Variants in CCDC59 observed in about 807,000 individuals in gnomAD.
CCDC59 encodes the protein coiled-coil domain containing 59.
In CCDC59, 27 loss-of-function variants were observed where a neutral mutation model predicts 30.5. That is an observed-to-expected ratio of 0.89 (90% CI 0.65 to 1.22). The LOEUF (loss-of-function observed/expected upper bound fraction) is 1.22. Ranked by LOEUF, CCDC59 falls within the 50% of genes most tolerant of loss-of-function variation. CCDC59 has a pLI of 0.00. For missense variants in CCDC59, 362 were observed against 284.4 expected (o/e 1.27, Z -1.96); for synonymous variants, 125 against 100.9 (o/e 1.24, Z -1.43).
chr12:82,353,213 CCTTT>C lies in CCDC59; in HGVS notation c.660_663del (p.Lys221AlafsTer5), dbSNP rs751188920. 4 of 1,611,552 alleles carry C rather than the reference CCTTT, an allele frequency of 2.5e-6. No homozygotes were observed. The highest frequency in any genetic ancestry group is 3.4e-6 in the Non-Finnish European group (4 of 1,179,196). On this transcript the variant is annotated frameshift_variant, in exon 4 of 4. Coordinates refer to ENST00000256151, the MANE Select transcript of CCDC59 (RefSeq NM_014167.5). LOFTEE classifies it high-confidence loss of function. ...ATTTGTACATTCAAGTTTGGTTGGC[CCTTT>C]TTAGTCTTTTTGTTCAGTATTTTAA...
chr12:82,357,581 T>C (rs1200876005), intron 1 of CCDC59, among the ~76,000 whole-genome samples: 1 of 152,162 alleles, frequency 6.6e-6, no homozygotes, highest in Non-Finnish European at 1.5e-5. Flanking sequence ...ACAAATTCCT[T>C]AGTTCATCTA....
In CCDC59 at chr12:82,353,041, A is replaced by G; in HGVS notation, c.*110T>C. On this transcript the variant is annotated 3_prime_UTR_variant, in exon 4 of 4. Transcript: ENST00000256151. ...AATATGTGAACATCTTATATTTAGC[A>G]TAGTTTAGCAATCCAGTTTATGTCG... 1.3e-6 allele frequency: 1 copy of G among 773,272 alleles called. No homozygotes were observed. Among genetic ancestry groups the G allele is most frequent in the African/African-American group, 1.7e-5 (1 of 57,254 alleles). The allele number at this position is 773,272 out of a possible 1,614,324, so 47.9% of individuals were successfully genotyped here.
At position 82,354,618 on chromosome 12, in the gene CCDC59, C is replaced by T. The variant is rs115308705; in HGVS notation, c.465-24G>A. 2.2e-3 allele frequency: 3,329 copies of T among 1,546,624 alleles called. 57 individuals are homozygous for T. The African/African-American group carries it at 0.041, about 19-fold the overall frequency. On this transcript the variant is annotated intron_variant, in intron 2 of 3. Coordinates refer to ENST00000256151, the MANE Select transcript of CCDC59 (RefSeq NM_014167.5). The stretch of plus-strand genomic sequence containing the variant: ...AGCTTTTAATTGGGGGATGAGGAAA[C>T]AGGACTTTATTAGTAAAATGTCCAA...
At position 82,353,258 on chromosome 12, in the gene CCDC59, T is replaced by A. The variant is rs1188102535; in HGVS notation, c.619A>T (p.Lys207Ter). 1 of 1,613,170 alleles carries A rather than the reference T, an allele frequency of 6.2e-7. No individual in the cohort carries two copies. Among genetic ancestry groups the A allele is most frequent in the Admixed American group, 1.7e-5 (1 of 59,890 alleles). The change falls in exon 4 of 4, where the codon AAG becomes TAG. Residue 207 changes from lysine (K) to a stop codon, truncating the protein, a stop_gained. Transcript: ENST00000256151. LOFTEE classifies it high-confidence loss of function. Reference protein sequence around the residue: ...REEAQRQYKKKKMEVFKILNK... With the variant: ...REEAQRQYKK ...AGTATTTTAAACACTTCCATTTTCT[T>A]CTTTTTGTACTGCCTTTGGGCTTCT... is the stretch of plus-strand genomic sequence containing the variant.
At position 82,352,529 on chromosome 12, in the gene CCDC59, CT is replaced by C. The variant is rs1880859371; in HGVS notation, c.*621del. The C allele has an allele frequency of 6.6e-6, 1 of 152,210 alleles. No individual in the cohort carries two copies. 9.4% of individuals were successfully genotyped at this position (152,210 alleles called of 1,614,324 possible). On this transcript the variant is annotated 3_prime_UTR_variant, in exon 4 of 4. Transcript: ENST00000256151. ...TATAGGGTCCATAGGAACTGGAAAGCTTAATTCTTGCTGTGACACTGTGGGG... is the reference window on the plus strand; with the variant it reads ...TATAGGGTCCATAGGAACTGGAAAGCTAATTCTTGCTGTGACACTGTGGGG...
Position 82,358,334 on chromosome 12 carries a change from T to C in CCDC59, c.43A>G (p.Ile15Val). Residue 15 changes from isoleucine (I) to valine (V), a missense_variant, in exon 1 of 4, where the codon ATT (isoleucine) becomes GTT (valine). By Grantham distance (29) the Ile-to-Val change is conservative. Transcript: ENST00000256151. ...GAAACCCCTTCACCACGCGCCTCAATACCACCAGGCCGCCACTTCGCGGAC... is the reference window on the plus strand; with the variant it reads ...GAAACCCCTTCACCACGCGCCTCAACACCACCAGGCCGCCACTTCGCGGAC... ...RRSAKWRPGG[I>V]EARGEGVSTV... 6.2e-7 allele frequency: 1 copy of C among 1,613,998 alleles called. No individual in the cohort carries two copies. The highest frequency in any genetic ancestry group is 1.1e-5 in the South Asian group (1 of 91,078).
chr12:82,358,529 A>T (rs768466364), upstream of CCDC59: 1 of 1,601,506 alleles, frequency 6.2e-7, no homozygotes, highest in South Asian at 1.1e-5. Context: ...CCTCACGGCC[A>T]TGTTTGCGCC....
At chr12:82,355,362 A>G (rs895882091) in intron 2 of CCDC59, 3 of 152,158 alleles carry the variant, frequency 2.0e-5, no homozygotes, top group Non-Finnish European at 4.4e-5. Flanking sequence ...GAAATAAACA[A>G]TTCATATGTT....
In CCDC59 at chr12:82,352,625, T is replaced by C. The variant is rs1003757925; in HGVS notation, c.*526A>G. The C allele has an allele frequency of 1.3e-5, 2 of 152,330 alleles. No homozygotes were observed. The highest frequency in any genetic ancestry group is 2.4e-5 in the African/African-American group (1 of 41,472). 9.4% of individuals were successfully genotyped at this position (152,330 alleles called of 1,614,324 possible). On this transcript the variant is annotated 3_prime_UTR_variant, in exon 4 of 4. Transcript: ENST00000256151. ...ATCCATTTAAGGGAATGTTTATAAA[T>C]ATCAGACTTTGAGTTCACTGCTTTG...
chr12:82,358,573 C>G (rs747731767), upstream of CCDC59: 6 of 1,610,644 alleles, frequency 3.7e-6, no homozygotes, highest in Non-Finnish European at 4.2e-6. Flanking sequence ...GTCATGGCGG[C>G]TTCTTGCCCT....
At chr12:82,353,651 C>G (rs934044309) in intron 3 of CCDC59, among the ~76,000 whole-genome samples, 2 of 152,108 alleles carry the variant, frequency 1.3e-5, no homozygotes, top group Non-Finnish European at 2.9e-5. Flanking sequence ...AAGCATAAAG[C>G]TGTGCTAGTT....
intron 2 of CCDC59, 123 bp from the exon 3 acceptor site, chr12:82,354,717 G>A: frequency 4.2e-6 from 3 of 709,518 alleles, no homozygotes; most frequent in Non-Finnish European, 5.9e-6. Context: ...GATTCTTAGA[G>A]AAATATTTCA....
chr12:82,353,141 A>T lies in CCDC59; in HGVS notation c.*10T>A, dbSNP rs368318331. On this transcript the variant is annotated 3_prime_UTR_variant, in exon 4 of 4. Coordinates refer to ENST00000256151, the MANE Select transcript of CCDC59 (RefSeq NM_014167.5). Reference sequence around the variant, plus strand: ...GGCAGCAGATATTTTAACCTGTAGGAACAAAATGTTTAACATTTTTCTTGT... The same window carrying T: ...GGCAGCAGATATTTTAACCTGTAGGTACAAAATGTTTAACATTTTTCTTGT... 3 of 1,595,474 alleles carry T rather than the reference A, an allele frequency of 1.9e-6. No individual in the cohort carries two copies. The African/African-American group carries it at 4.1e-5, about 22-fold the overall frequency.
At chr12:82,354,341 C>A (rs892310348) in intron 3 of CCDC59, among the ~76,000 whole-genome samples, 154 bp downstream of exon 3, 1 of 152,118 alleles carries the variant, frequency 6.6e-6, no homozygotes, top group East Asian at 1.9e-4. Context: ...GAATAAGATG[C>A]AATCCTCTAC....
At chr12:82,356,934 G>A in intron 2 of CCDC59, 26 bp downstream of exon 2, 4 of 1,550,150 alleles carry the variant, frequency 2.6e-6, no homozygotes, top group Non-Finnish European at 3.5e-6. Flanking sequence ...AACACTTAAA[G>A]GATTTCAAAT....
At chr12:82,358,543 TACA>T, upstream of CCDC59, 39 of 1,605,284 alleles carry the variant, frequency 2.4e-5, no homozygotes, top group Non-Finnish European at 2.9e-5. Context: ...TTGCGCCACC[TACA>T]GCCTCGGAGG....
chr12:82,356,008 T>C (rs962415041), intron 2 of CCDC59: 3 of 152,192 alleles, frequency 2.0e-5, no homozygotes, highest in African/African-American at 4.8e-5. Context: ...TTTAACAATA[T>C]AATGATCAAG....
At chr12:82,358,126 G>A (rs906651111) in intron 1 of CCDC59, 97 bp downstream of exon 1, 1 of 1,399,646 alleles carries the variant, frequency 7.1e-7, no homozygotes, top group Admixed American at 1.9e-5. Context: ...AGTAGGACCG[G>A]GTCTGGTTCC....
intron 2 of CCDC59, chr12:82,356,180 G>T (rs1197336906): frequency 6.6e-6 from 1 of 152,144 alleles, no homozygotes; most frequent in Non-Finnish European, 1.5e-5. Context: ...TTAATACCCA[G>T]CTTCTTGCAA....
Sources: allele counts gnomAD v4.1 joint callset (sites outside exome capture counted in the v4.1 genomes callset), GRCh38; gene constraint gnomAD v4.1.1; transcripts MANE v1.5; gene names NCBI Gene and HGNC (gene_info 2026-07-23, HGNC 2026-07-21).